The following MST1R variants were observed in gnomAD, a reference collection of about 807,000 sequenced individuals.
MST1R encodes macrophage-stimulating protein receptor.
In MST1R, 99 loss-of-function variants were observed where a neutral mutation model predicts 117.8. The ratio of observed to expected loss-of-function variants is 0.84; its 90% CI spans 0.71 to 0.99. MST1R has a LOEUF of 0.99. Among genes scored for constraint, MST1R ranks in the 50% least tolerant of loss-of-function variants. The probability of loss-of-function intolerance (pLI) is 0.00; values close to 1 mark genes in which losing one functional copy is unlikely to be tolerated. For missense variants in MST1R, 1,683 were observed against 1,840.2 expected, an observed-to-expected ratio of 0.91 and a Z score of 1.56; for synonymous variants, 734 against 765.3, an observed-to-expected ratio of 0.96 and a Z score of 0.68.
rs749561793 is a variant in MST1R at position 49,895,553 on chromosome 3, G to T, written c.2963-5C>A. ...CATTCAGGTTGGGAGGAAGAACTGT[G>T]GAAAGAGAATCCTTGGTGGCTTGGC... is the stretch of plus-strand genomic sequence containing the variant. On this transcript the variant is annotated splice_region_variant and splice_polypyrimidine_tract_variant and intron_variant, in intron 12 of 19. Transcript: ENST00000296474. 1 of 1,614,072 alleles carries T rather than the reference G, an allele frequency of 6.2e-7. No individual in the cohort carries two copies. The highest frequency in any genetic ancestry group is 1.1e-5 in the South Asian group (1 of 91,070).
intron 1 of MST1R, among the ~76,000 whole-genome samples, chr3:49,901,265 A>T (rs1260774660): frequency 6.6e-6 from 1 of 152,228 alleles, no homozygotes; most frequent in East Asian, 1.9e-4. Context: ...CCGAGGCATC[A>T]ATAGGAGCGG....
intron 1 of MST1R, among the ~76,000 whole-genome samples, chr3:49,901,961 G>T: frequency 6.6e-6 from 1 of 151,112 alleles, no homozygotes; most frequent in African/African-American, 2.4e-5. Context: ...GGGAGGGGAG[G>T]GGGGAGTGCT....
intron 17 of MST1R, 77 bp downstream of exon 17, chr3:49,891,120 T>TC (rs1173140309): frequency 1.1e-5 from 15 of 1,333,720 alleles, no homozygotes; most frequent in Non-Finnish European, 1.6e-5. Context: ...AGTGGGCCCT[T>TC]CCCTGAGGCG....
Position 49,897,607 on chromosome 3 carries a change from G to T in MST1R, c.1959C>A (p.Thr653=). 6.2e-7 allele frequency: 1 copy of T among 1,614,174 alleles called. No homozygotes were observed. The highest frequency in any genetic ancestry group is 8.5e-7 in the Non-Finnish European group (1 of 1,180,048). ...TGTTAGTCACGGTGAGGCTGACGTT[G>T]GTAGGCCCCACTGCCTGGGTGCCCA... ...EPLGTQAVGP[T]NVSLTVTNMP... The change falls in exon 6 of 20, where the codon ACC becomes ACA. Residue 653 remains threonine (T), a synonymous_variant. Transcript: ENST00000296474.
In MST1R at chr3:49,902,946, T is replaced by G. The variant is rs1292256966; in HGVS notation, c.664A>C (p.Lys222Gln). 1 of 1,613,094 alleles carries G rather than the reference T, an allele frequency of 6.2e-7. No homozygotes were observed. Among genetic ancestry groups the G allele is most frequent in the African/African-American group, 1.3e-5 (1 of 74,942 alleles). The change falls in exon 1 of 20, where the codon AAG becomes CAG. Residue 222 changes from lysine to glutamine, a missense_variant. Lys to Gln is a moderately conservative substitution (Grantham distance 53). Transcript: ENST00000296474. Reference protein sequence around the residue: ...SPRSVSIRRLKADASGFAPGF... With the variant: ...SPRSVSIRRLQADASGFAPGF... ...GGTGCGAATCCCGAGGCGTCAGCCT[T>G]GAGACGCCTGATAGACACTGAGCGT... is the stretch of plus-strand genomic sequence containing the variant.
chr3:49,902,300 C>T, intron 1 of MST1R, 80 bp downstream of exon 1: 2 of 1,534,506 alleles, frequency 1.3e-6, no homozygotes, highest in Non-Finnish European at 1.7e-6. Context: ...CCCCAGATCC[C>T]CTCAGTGATG....
intron 19 of MST1R, among the ~76,000 whole-genome samples, chr3:49,889,190 A>G (rs1396533110): frequency 6.6e-6 from 1 of 152,162 alleles, no homozygotes; most frequent in Non-Finnish European, 1.5e-5. Context: ...CCAACCTCTC[A>G]GTAAATCCCC....
chr3:49,899,526 A>G, intron 1 of MST1R: 1 of 235,584 alleles, frequency 4.2e-6, no homozygotes, highest in Non-Finnish European at 7.6e-6. Context: ...ATGGTGAGTT[A>G]CCCCCATTCC....
chr3:49,890,676 T>G (rs755021952), intron 17 of MST1R, 26 bp from the exon 18 acceptor site: 52 of 1,591,426 alleles, frequency 3.3e-5, no homozygotes, highest in Non-Finnish European at 4.2e-5. Flanking sequence ...AGGATCACAC[T>G]TAGGACTGGC....
chr3:49,903,285 G>A lies in MST1R; in HGVS notation c.325C>T (p.Pro109Ser), dbSNP rs1466774865. ...PGCQTCAACG[P>S]GPHGPPGDTD... The stretch of plus-strand genomic sequence containing the variant: ...TCACCGGGAGGGCCGTGGGGTCCTG[G>A]GCCACAGGCTGCACACGTCTGGCAG... Residue 109 changes from proline (P) to serine (S), a missense_variant, in exon 1 of 20, where the codon CCA becomes TCA. Physicochemically the swap from Pro to Ser is moderately conservative, Grantham distance 74 (BLOSUM62 -1). Coordinates refer to ENST00000296474, the MANE Select transcript of MST1R (RefSeq NM_002447.4). 15 of 1,611,358 alleles carry A rather than the reference G, an allele frequency of 9.3e-6. No individual in the cohort carries two copies. Among genetic ancestry groups the A allele is most frequent in the Non-Finnish European group, 1.3e-5 (15 of 1,179,966 alleles).
chr3:49,899,372 C>T, intron 1 of MST1R, 109 bp from the exon 2 acceptor site: 5 of 1,235,272 alleles, frequency 4.0e-6, no homozygotes, highest in Non-Finnish European at 5.7e-6. Flanking sequence ...CCTCACCTGG[C>T]CTGACTGGAG....
In MST1R at chr3:49,899,087, C is replaced by G; in HGVS notation, c.1407G>C (p.Gly469=). 6.2e-7 allele frequency: 1 copy of G among 1,614,124 alleles called. No individual in the cohort carries two copies. Among genetic ancestry groups the G allele is most frequent in the Non-Finnish European group, 8.5e-7 (1 of 1,180,046 alleles). Residue 469 remains glycine, a synonymous_variant, in exon 2 of 20, where the codon GGG becomes GGC. Coordinates refer to ENST00000296474, the MANE Select transcript of MST1R (RefSeq NM_002447.4). ...VTVAHMGTMD[G]RILQVELVRS... ...GATGAGGACCCACCTGCAGGATACG[C>G]CCATCCATTGTGCCCATGTGTGCCA...
At chr3:49,899,447 C>A in intron 1 of MST1R, 184 bp from the exon 2 acceptor site, 1 of 606,064 alleles carries the variant, frequency 1.6e-6, no homozygotes, top group South Asian at 2.0e-5. Flanking sequence ...GTAGCAAGGG[C>A]AGGGAGAAGG....
At position 49,899,282 on chromosome 3, in the gene MST1R, G is replaced by A. The variant is rs41291716; in HGVS notation, c.1231-19C>T. The A allele has an allele frequency of 0.075, 120,713 of 1,613,090 alleles. 4,764 individuals are homozygous for A. The highest frequency in any genetic ancestry group is 0.081 in the Non-Finnish European group (95,478 of 1,179,516). ...GGCCAGGCTGGGAAAGGTCAGGGAA[G>A]GGAAGGAGTCAGGGTTCAGCCTTGT... is the stretch of plus-strand genomic sequence containing the variant. On this transcript the variant is annotated intron_variant, in intron 1 of 19. Transcript: ENST00000296474.
chr3:49,887,055 G>C lies in MST1R; in HGVS notation c.*252C>G. ...TATTGGTTCAAGGGTCAGTGTTGGT[G>C]TGGTCACTGCTGAGTCCACTGTGCC... On this transcript the variant is annotated 3_prime_UTR_variant, in exon 20 of 20. Coordinates refer to ENST00000296474, the MANE Select transcript of MST1R (RefSeq NM_002447.4). The C allele has an allele frequency of 1.7e-6, 1 of 582,422 alleles. No individual in the cohort carries two copies. The highest frequency in any genetic ancestry group is 2.1e-5 in the South Asian group (1 of 48,132). 36.1% of individuals were successfully genotyped at this position (582,422 alleles called of 1,614,324 possible).
intron 18 of MST1R, 24 bp from the exon 19 acceptor site, chr3:49,890,084 G>T (rs775412217): frequency 1.5e-5 from 24 of 1,564,380 alleles, no homozygotes; most frequent in Non-Finnish European, 2.1e-5. Context: ...GAGGTGAGGG[G>T]ACTCAACTCA....
chr3:49,890,151 G>C, intron 18 of MST1R, 91 bp from the exon 19 acceptor site: 1 of 1,470,344 alleles, frequency 6.8e-7, no homozygotes, highest in South Asian at 1.4e-5. Flanking sequence ...GAGTCCTTCA[G>C]CTGGAAATGG....
At position 49,898,751 on chromosome 3, in the gene MST1R, T is replaced by A; in HGVS notation, c.1549-63A>T. 5.0e-6 allele frequency: 8 copies of A among 1,606,370 alleles called. No individual in the cohort carries two copies. The Admixed American group carries it at 8.4e-5, about 17-fold the overall frequency. ...GGGAGAGATTGGGCCCTATAGACCC[T>A]CCCGGTACACAGTAGGCTAGGGTGG... is the stretch of plus-strand genomic sequence containing the variant. On this transcript the variant is annotated intron_variant, in intron 3 of 19. Coordinates refer to ENST00000296474, the MANE Select transcript of MST1R (RefSeq NM_002447.4).
chr3:49,893,380 G>C (rs1297622895), intron 14 of MST1R, among the ~76,000 whole-genome samples: 1 of 152,056 alleles, frequency 6.6e-6, no homozygotes, highest in Admixed American at 6.6e-5. Flanking sequence ...AAGGCAGGCA[G>C]ATCACCTGAG....
Sources: allele counts gnomAD v4.1 joint callset (sites outside exome capture counted in the v4.1 genomes callset), GRCh38; gene constraint gnomAD v4.1.1; transcripts MANE v1.5; gene names NCBI Gene and HGNC (gene_info 2026-07-23, HGNC 2026-07-21).